Variants in DENND1A observed in about 807,000 individuals in gnomAD.
DENND1A encodes the protein DENN domain containing 1A, also known as DENN domain-containing protein 1A.
In DENND1A, 51 loss-of-function variants were observed where a neutral mutation model predicts 113.7. The observed-to-expected ratio is 0.45, with a 90% confidence interval of 0.36 to 0.57. The LOEUF (loss-of-function observed/expected upper bound fraction) is 0.57, where lower values mean the gene tolerates loss of function less well. Ranked by LOEUF, DENND1A falls within the 20% of genes least tolerant of loss-of-function variation. The probability of loss-of-function intolerance (pLI) is 0.00; values close to 1 mark genes in which losing one functional copy is unlikely to be tolerated. For missense variants in DENND1A, 1,258 were observed against 1,395.9 expected (o/e 0.90, Z 1.57); for synonymous variants, 565 against 570.8 (o/e 0.99, Z 0.14).
chr9:123,451,912 G>T (rs547247854), intron 17 of DENND1A, among the ~76,000 whole-genome samples: 2 of 151,952 alleles, frequency 1.3e-5, no homozygotes, highest in Admixed American at 6.6e-5. Context: ...GAGTCTCATC[G>T]CTTGGCTGGG....
chr9:123,382,395 C>T lies in DENND1A; in HGVS notation c.2250G>A (p.Val750=), dbSNP rs754116289. 1.3e-6 allele frequency: 2 copies of T among 1,598,650 alleles called. No homozygotes were observed. Among genetic ancestry groups the T allele is most frequent in the Non-Finnish European group, 1.7e-6 (2 of 1,172,354 alleles). ...SILNPSDKEE[V]PTPTLGSITI... ...TGATGCTGCCCAGAGTAGGGGTGGG[C>T]ACCTCCTCCTTGTCACTGGGGTTCA... Residue 750 remains valine (V), a synonymous_variant, in exon 24 of 24, where the codon GTG becomes GTA. Coordinates refer to ENST00000394215, the MANE Select transcript of DENND1A (RefSeq NM_001352964.2).
Position 123,855,128 on chromosome 9 carries a change from C to G in DENND1A, c.88+23823G>C, listed in dbSNP as rs1405296442. ...ACTAACATTGCCTTGCTTATTTGGACATAACAAATTCCACTGAATGAGATA... is the reference window on the plus strand; with the variant it reads ...ACTAACATTGCCTTGCTTATTTGGAGATAACAAATTCCACTGAATGAGATA... On this transcript the variant is annotated intron_variant, in intron 2 of 23. Transcript: ENST00000394215. 1.3e-5 allele frequency among the ~76,000 whole-genome samples: 2 copies of G among 151,292 alleles called. 1 individual carries two copies. The highest frequency in any genetic ancestry group is 4.9e-5 in the African/African-American group (2 of 40,590).
chr9:123,925,475 T>G (rs1316889370), intron 1 of DENND1A, among the ~76,000 whole-genome samples: 2 of 151,892 alleles, frequency 1.3e-5, no homozygotes, highest in Non-Finnish European at 1.5e-5. Flanking sequence ...TTGTGTTTTG[T>G]TTTTTTTGTT....
intron 5 of DENND1A, among the ~76,000 whole-genome samples, chr9:123,756,114 G>A (rs1419501615): frequency 6.6e-6 from 1 of 152,118 alleles, no homozygotes; most frequent in African/African-American, 2.4e-5. Context: ...GTTTCTCCAT[G>A]TTGCTCAGGC....
chr9:123,565,477 A>G (rs577163106), intron 12 of DENND1A, among the ~76,000 whole-genome samples: 58 of 152,276 alleles, frequency 3.8e-4, no homozygotes, highest in African/African-American at 1.2e-3. Flanking sequence ...GAGTTGAAAG[A>G]TTTTTTATTA....
chr9:123,731,992 C>T (rs556227100), intron 5 of DENND1A, among the ~76,000 whole-genome samples: 10 of 152,140 alleles, frequency 6.6e-5, no homozygotes, highest in African/African-American at 1.9e-4. Context: ...ATTAGGAAAA[C>T]GCAAATTAAA....
intron 5 of DENND1A, among the ~76,000 whole-genome samples, chr9:123,723,964 C>A (rs1437232755): frequency 6.6e-6 from 1 of 152,100 alleles, no homozygotes; most frequent in Non-Finnish European, 1.5e-5. Context: ...TTGACTAAAC[C>A]AATATTTATT....
At chr9:123,410,434 G>C (rs1219202834) in intron 20 of DENND1A, among the ~76,000 whole-genome samples, 1 of 152,208 alleles carries the variant, frequency 6.6e-6, no homozygotes, top group Admixed American at 6.5e-5. Context: ...TGTGTCGATG[G>C]GGGGTTTGGG....
Position 123,386,104 on chromosome 9 carries a change from T to TGGAC in DENND1A, c.1760+1622_1760+1625dup, listed in dbSNP as rs1465183497. On this transcript the variant is annotated intron_variant, in intron 22 of 23. Coordinates refer to ENST00000394215, the MANE Select transcript of DENND1A (RefSeq NM_001352964.2). ...GAGCTGGGCCTTGGACATGACCTGG[T>TGGAC]GGACTCCTGGCTGGGAGCAGGGTGC... Among the ~76,000 whole-genome samples the TGGAC allele has an allele frequency of 6.6e-5, 10 of 152,356 alleles. 1 individual carries two copies. The highest frequency in any genetic ancestry group is 2.4e-4 in the African/African-American group (10 of 41,586).
chr9:123,520,935 T>C (rs2054341078), intron 13 of DENND1A, among the ~76,000 whole-genome samples: 1 of 152,230 alleles, frequency 6.6e-6, no homozygotes, highest in South Asian at 2.1e-4. Context: ...GAGAACAGTG[T>C]CTGGTTTTTG....
chr9:123,618,854 C>G (rs1335568252), intron 10 of DENND1A, among the ~76,000 whole-genome samples: 2 of 151,662 alleles, frequency 1.3e-5, no homozygotes, highest in African/African-American at 2.4e-5. Flanking sequence ...GGGCTAAAGG[C>G]TGAATGGCAA....
intron 10 of DENND1A, among the ~76,000 whole-genome samples, chr9:123,609,688 C>T (rs2060325145): frequency 6.6e-6 from 1 of 152,136 alleles, no homozygotes; most frequent in Admixed American, 6.5e-5. Context: ...GCATTGGAAA[C>T]AGCATGGGTA....
chr9:123,732,059 G>T (rs1255653045), intron 5 of DENND1A, among the ~76,000 whole-genome samples: 1 of 152,208 alleles, frequency 6.6e-6, no homozygotes, highest in Non-Finnish European at 1.5e-5. Flanking sequence ...GTGAGTACGT[G>T]GGACAACTGG....
intron 5 of DENND1A, 103 bp downstream of exon 5, chr9:123,757,600 A>G: frequency 6.6e-7 from 1 of 1,511,770 alleles, no homozygotes; most frequent in Non-Finnish European, 8.9e-7. Context: ...GGAAACAGAT[A>G]GGAAAATGAA....
intron 5 of DENND1A, among the ~76,000 whole-genome samples, chr9:123,678,007 C>G (rs891195495): frequency 2.0e-5 from 3 of 152,110 alleles, no homozygotes; most frequent in Non-Finnish European, 4.4e-5. Flanking sequence ...CTCTGTGGGT[C>G]TAGTCTAGCT....
chr9:123,913,558 A>C (rs1456866596), intron 1 of DENND1A, among the ~76,000 whole-genome samples: 1 of 152,170 alleles, frequency 6.6e-6, no homozygotes, highest in Admixed American at 6.6e-5. Flanking sequence ...GAGGGAAAAA[A>C]AGATTTAAGA....
chr9:123,733,407 GT>G (rs1415523089), intron 5 of DENND1A, among the ~76,000 whole-genome samples: 1 of 151,908 alleles, frequency 6.6e-6, no homozygotes, highest in Non-Finnish European at 1.5e-5. Context: ...AGCCTCCTAA[GT>G]AATTGGGACT....
In DENND1A at chr9:123,587,696, T is replaced by A. The variant is rs117178790; in HGVS notation, c.766-4426A>T. On this transcript the variant is annotated intron_variant, in intron 11 of 23. Coordinates refer to ENST00000394215, the MANE Select transcript of DENND1A (RefSeq NM_001352964.2). ...TAGGTTCTCTGCATGGGGAAGCACA[T>A]CACACACTGTTGGCTCATTTTGGCA... Among the ~76,000 whole-genome samples, 479 of 152,330 alleles carry A rather than the reference T, an allele frequency of 3.1e-3. 3 individuals are homozygous for A. The highest frequency in any genetic ancestry group is 0.031 in the Middle Eastern group (9 of 294).
chr9:123,803,055 T>G (rs1279038346), intron 2 of DENND1A, among the ~76,000 whole-genome samples: 1 of 152,214 alleles, frequency 6.6e-6, no homozygotes, highest in East Asian at 1.9e-4. Flanking sequence ...TTACATAGCT[T>G]AAATTCTATT....
Sources: gnomAD v4.1 joint callset for allele counts (sites outside exome capture counted in the v4.1 genomes callset) on GRCh38, gnomAD v4.1.1 for gene constraint, MANE v1.5 for transcripts, NCBI Gene and HGNC (gene_info 2026-07-23, HGNC 2026-07-21) for gene names.